Variants in RPL3L observed in about 807,000 individuals in gnomAD.
RPL3L encodes ribosomal protein L3 like, also known as ribosomal protein uL3-like.
Under a neutral mutation model 44.5 loss-of-function variants are expected in RPL3L, and 44 were observed. That is an observed-to-expected ratio of 0.99 (90% confidence interval 0.78 to 1.27). The LOEUF is 1.27. Ranked by LOEUF, RPL3L falls within the 50% of genes most tolerant of loss-of-function variation. The pLI, the probability that RPL3L is intolerant of heterozygous loss-of-function variation, is 0.00. For missense variants in RPL3L, 631 were observed against 569.1 expected, an observed-to-expected ratio of 1.11 and a Z score of -1.11; for synonymous variants, 292 against 230.7, an observed-to-expected ratio of 1.27 and a Z score of -2.41.
At chr16:1,947,938 ATTTTT>A (rs1158555053) in intron 4 of RPL3L, among the ~76,000 whole-genome samples, 1,304 of 109,972 alleles carry the variant, frequency 0.012, 21 homozygotes, top group African/African-American at 0.033. Flanking sequence ...ATCTGATTGG[ATTTTT>A]TTTTTTTTTT....
In RPL3L at chr16:1,947,188, C is replaced by A. The variant is rs1293161631; in HGVS notation, c.688+6G>T. 4 of 1,612,830 alleles carry A rather than the reference C, an allele frequency of 2.5e-6. No homozygotes were observed. Among genetic ancestry groups the A allele is most frequent in the South Asian group, 1.1e-5 (1 of 91,062 alleles). ...CCCTGGAGCTGCCATCCTCACTGAG[C>A]CCTACCTTTGACGCCTCGACCCTTG... On this transcript the variant is annotated splice_donor_region_variant and intron_variant, in intron 5 of 9. Transcript: ENST00000268661.
chr16:1,948,649 C>T (rs1290894253), intron 4 of RPL3L, among the ~76,000 whole-genome samples: 3 of 152,084 alleles, frequency 2.0e-5, no homozygotes. Context: ...ATCCTCCCAC[C>T]TTAGCCTCCT....
In RPL3L at chr16:1,944,903, A is replaced by C. The variant is rs778702071; in HGVS notation, c.1168-10T>G. 4.3e-6 allele frequency: 7 copies of C among 1,610,638 alleles called. No homozygotes were observed. The Admixed American group carries it at 1.2e-4, about 27-fold the overall frequency. On this transcript the variant is annotated splice_polypyrimidine_tract_variant and intron_variant, in intron 9 of 9. Transcript: ENST00000268661. ...GCTTCTTTTGGGGGCCCTGGTTGAG[A>C]GGGTGGTGCAGGAGGAGCCTTAGTC...
At chr16:1,946,075 C>T in intron 7 of RPL3L, 145 bp from the exon 8 acceptor site, 2 of 632,104 alleles carry the variant, frequency 3.2e-6, no homozygotes, top group South Asian at 3.7e-5. Context: ...GACTATCACG[C>T]CGCCCCTACT....
chr16:1,953,413 T>C lies in RPL3L; in HGVS notation c.197-371A>G, dbSNP rs2083185043. Among the ~76,000 whole-genome samples, 3 of 152,120 alleles carry C rather than the reference T, an allele frequency of 2.0e-5. No individual in the cohort carries two copies. The South Asian group carries it at 6.2e-4, about 32-fold the overall frequency. On this transcript the variant is annotated intron_variant, in intron 2 of 9. Transcript: ENST00000268661. ...TTTTGTATTTTTTGTAGAGATAGGG[T>C]TTCACGATGCCGTCCAGGTTGGTCT...
At chr16:1,948,515 C>T (rs549663173) in intron 4 of RPL3L, among the ~76,000 whole-genome samples, 1 of 151,952 alleles carries the variant, frequency 6.6e-6, no homozygotes, top group African/African-American at 2.4e-5. Flanking sequence ...TGAGCCACTG[C>T]ACCTGGCCTG....
intron 7 of RPL3L, 127 bp from the exon 8 acceptor site, chr16:1,946,057 G>A: frequency 1.4e-6 from 1 of 732,178 alleles, no homozygotes; most frequent in Non-Finnish European, 2.3e-6. Context: ...GCCCCCAGAT[G>A]TAGGGGTGAC....
intron 6 of RPL3L, 84 bp downstream of exon 6, chr16:1,946,854 G>A: frequency 6.4e-7 from 1 of 1,560,464 alleles, no homozygotes; most frequent in Non-Finnish European, 8.7e-7. Flanking sequence ...GCAGTGTCTG[G>A]GTCATGCACC....
intron 1 of RPL3L, among the ~76,000 whole-genome samples, 176 bp downstream of exon 1, chr16:1,954,453 A>T (rs1204959348): frequency 6.6e-6 from 1 of 151,960 alleles, no homozygotes; most frequent in African/African-American, 2.4e-5. Flanking sequence ...GTTCATCTCC[A>T]GGGCCCTCCC....
intron 4 of RPL3L, among the ~76,000 whole-genome samples, chr16:1,949,009 C>CTTTTTTTTT (rs34900670): frequency 1.6e-5 from 2 of 124,662 alleles, no homozygotes; most frequent in Non-Finnish European, 1.6e-5. Flanking sequence ...CCGCGCCTGG[C>CTTTTTTTTT]TTTTTTTTTT....
chr16:1,950,858 T>C lies in RPL3L; in HGVS notation c.487A>G (p.Ile163Val), dbSNP rs747846002. Residue 163 changes from isoleucine (I) to valine (V), a missense_variant, in exon 4 of 10, where the codon ATT (isoleucine) becomes GTT (valine). Transcript: ENST00000268661. ...CGGGGGCTGACCTGAGTGTGGACAA[T>C]GACCCGAATGACCTTGCAGTACTTC... ...MKKYCKVIRV[I>V]VHTQMKLLPF... 3 of 1,614,050 alleles carry C rather than the reference T, an allele frequency of 1.9e-6. No individual in the cohort carries two copies. Among genetic ancestry groups the C allele is most frequent in the Non-Finnish European group, 2.5e-6 (3 of 1,179,944 alleles).
chr16:1,953,476 T>C (rs2083185416), intron 2 of RPL3L, among the ~76,000 whole-genome samples: 1 of 152,212 alleles, frequency 6.6e-6, no homozygotes, highest in Non-Finnish European at 1.5e-5. Context: ...TGCCTCGGCC[T>C]CCCAAAGTGC....
At chr16:1,953,816 C>T in intron 2 of RPL3L, 140 bp downstream of exon 2, 2 of 863,744 alleles carry the variant, frequency 2.3e-6, no homozygotes, top group Non-Finnish European at 3.2e-6. Context: ...CTGTGCTCAG[C>T]GTCCACCCCA....
intron 4 of RPL3L, among the ~76,000 whole-genome samples, chr16:1,949,764 G>T (rs1476770264): frequency 6.1e-5 from 4 of 65,332 alleles, no homozygotes; most frequent in African/African-American, 2.4e-4. Flanking sequence ...CAGGTATGTA[G>T]GGGGCAGGTA....
intron 5 of RPL3L, 41 bp from the exon 6 acceptor site, chr16:1,947,139 T>TCC: frequency 6.8e-6 from 11 of 1,612,864 alleles, no homozygotes; most frequent in Non-Finnish European, 9.3e-6. Context: ...GCCAGGCTGG[T>TCC]CCCCACTGCC....
At chr16:1,949,667 G>A (rs1158263872) in intron 4 of RPL3L, among the ~76,000 whole-genome samples, 1 of 148,366 alleles carries the variant, frequency 6.7e-6, no homozygotes, top group Non-Finnish European at 1.5e-5. Flanking sequence ...GTGACCCATA[G>A]GTATGTATGG....
intron 2 of RPL3L, 152 bp downstream of exon 2, chr16:1,953,804 G>T: frequency 2.6e-6 from 2 of 772,998 alleles, no homozygotes; most frequent in Non-Finnish European, 3.7e-6. Context: ...CGGAAGCCCT[G>T]CCTGTGCTCA....
intron 9 of RPL3L, 78 bp downstream of exon 9, chr16:1,945,421 C>T: frequency 6.5e-7 from 1 of 1,535,982 alleles, no homozygotes; most frequent in Non-Finnish European, 8.8e-7. Context: ...TCCCTGCCAG[C>T]TCCAGCTCCC....
In RPL3L at chr16:1,945,086, T is replaced by C. The variant is rs541134191; in HGVS notation, c.1168-193A>G. ...AGTCTCTCCTGCAGGCCGGGCACGG[T>C]GGCTCATGTCTGTAATCCCAGCACT... On this transcript the variant is annotated intron_variant, in intron 9 of 9. Coordinates refer to ENST00000268661, the MANE Select transcript of RPL3L (RefSeq NM_005061.3). 7.2e-5 allele frequency among the ~76,000 whole-genome samples: 11 copies of C among 151,786 alleles called. No homozygotes were observed. In the South Asian group the frequency reaches 2.3e-3, roughly 32 times the overall value.
Sources: gnomAD v4.1 joint callset for allele counts (sites outside exome capture counted in the v4.1 genomes callset) on GRCh38, gnomAD v4.1.1 for gene constraint, MANE v1.5 for transcripts, NCBI Gene and HGNC (gene_info 2026-07-23, HGNC 2026-07-21) for gene names.